ECHS1: variants seen among roughly 807,000 people sequenced by gnomAD.
ECHS1 encodes the protein enoyl-CoA hydratase, short chain 1, also known as enoyl-CoA hydratase, mitochondrial.
Under a neutral mutation model 33.5 loss-of-function variants are expected in ECHS1, and 19 were observed. That is an observed-to-expected ratio of 0.57 (90% CI 0.40 to 0.83). The LOEUF (loss-of-function observed/expected upper bound fraction) is 0.83. Ranked by LOEUF, ECHS1 falls within the 40% of genes least tolerant of loss-of-function variation. The pLI, the probability that ECHS1 is intolerant of heterozygous loss-of-function variation, is 0.00. For missense variants in ECHS1, 365 were observed against 381.3 expected, an observed-to-expected ratio of 0.96 and a Z score of 0.36; for synonymous variants, 158 against 146.6, an observed-to-expected ratio of 1.08 and a Z score of -0.56.
chr10:133,369,118 T>C (rs1427384132), intron 3 of ECHS1, 96 bp from the exon 4 acceptor site: 2 of 1,158,554 alleles, frequency 1.7e-6, no homozygotes, highest in Non-Finnish European at 2.5e-6. Context: ...AAAGAAACAG[T>C]GTTGGGGGTA....
intron 3 of ECHS1, 41 bp from the exon 4 acceptor site, chr10:133,369,063 C>G: frequency 6.3e-7 from 1 of 1,587,668 alleles, no homozygotes; most frequent in South Asian, 1.1e-5. Flanking sequence ...ACCAGGGGAA[C>G]CCAGTCAGAA....
chr10:133,368,553 G>A (rs1849062678), intron 4 of ECHS1, among the ~76,000 whole-genome samples: 1 of 152,074 alleles, frequency 6.6e-6, no homozygotes, highest in African/African-American at 2.4e-5. Context: ...CAGGCCATGT[G>A]ACCTCCATGG....
chr10:133,371,202 A>G (rs888615783), intron 1 of ECHS1, among the ~76,000 whole-genome samples: 59 of 152,198 alleles, frequency 3.9e-4, no homozygotes, highest in African/African-American at 1.4e-3. Context: ...GCATGAACCC[A>G]GGAGGTGGAG....
At chr10:133,369,144 T>C in intron 3 of ECHS1, 122 bp from the exon 4 acceptor site, 1 of 798,266 alleles carries the variant, frequency 1.3e-6, no homozygotes, top group Non-Finnish European at 2.0e-6. Flanking sequence ...AAGACTAACA[T>C]GGTGGCACCA....
intron 1 of ECHS1, among the ~76,000 whole-genome samples, chr10:133,372,630 C>A (rs1314451001): frequency 6.6e-6 from 1 of 151,622 alleles, no homozygotes; most frequent in African/African-American, 2.4e-5. Flanking sequence ...AGCCGCCGGG[C>A]CTCCCGCAGG....
intron 2 of ECHS1, 64 bp downstream of exon 2, chr10:133,370,496 C>T (rs1421080826): frequency 7.0e-7 from 1 of 1,425,840 alleles, no homozygotes; most frequent in African/African-American, 1.4e-5. Flanking sequence ...CTGGAGGCTT[C>T]TCCCAAGGCC....
chr10:133,363,901 C>T (rs1345695375), intron 7 of ECHS1, among the ~76,000 whole-genome samples: 4 of 152,096 alleles, frequency 2.6e-5, no homozygotes, highest in Non-Finnish European at 5.9e-5. Context: ...TACATTTGAG[C>T]CTATTCCAAA....
rs752040343 is a variant in ECHS1 at position 133,366,136 on chromosome 10, C to T, written c.620-41G>A. The stretch of plus-strand genomic sequence containing the variant: ...GTCAGTGAGTGATGTGCAGAAACAG[C>T]ACTTGTCTATCCCTTCTCGAGTGAG... On this transcript the variant is annotated intron_variant, in intron 5 of 7. Transcript: ENST00000368547. The T allele has an allele frequency of 1.3e-5, 21 of 1,604,504 alleles. No homozygotes were observed. In the Admixed American group the frequency reaches 1.3e-4, roughly 10 times the overall value.
At chr10:133,370,339 TGAA>T (rs1849087138) in intron 2 of ECHS1, among the ~76,000 whole-genome samples, 1 of 152,348 alleles carries the variant, frequency 6.6e-6, no homozygotes. Context: ...TAAACCCCTT[TGAA>T]GAAGCTGTTT....
chr10:133,369,670 C>G (rs1449058537), intron 3 of ECHS1, among the ~76,000 whole-genome samples: 1 of 152,152 alleles, frequency 6.6e-6, no homozygotes, highest in Non-Finnish European at 1.5e-5. Context: ...CTTCCCCCAC[C>G]CTGGAAGAGA....
intron 1 of ECHS1, among the ~76,000 whole-genome samples, 169 bp from the exon 2 acceptor site, chr10:133,370,926 T>C (rs545183820): frequency 9.9e-5 from 15 of 152,266 alleles, no homozygotes; most frequent in African/African-American, 3.1e-4. Context: ...GCCACAAGGA[T>C]AGATGGTAGC....
At chr10:133,368,740 G>T (rs1285652618) in intron 4 of ECHS1, among the ~76,000 whole-genome samples, 183 bp downstream of exon 4, 2 of 151,544 alleles carry the variant, frequency 1.3e-5, no homozygotes, top group African/African-American at 2.4e-5. Flanking sequence ...GGACTCTAAG[G>T]CCCCCCCCAA....
rs532849742 is a variant in ECHS1 at position 133,373,308 on chromosome 10, G to C, written c.26C>G (p.Ser9Cys). ...GGGCCTCAGCGGGCCGCGGACGCAG[G>C]ACAGCAGGACACGCAGGGCGGCCAT... MAALRVLLSCVRGPLRPPV... is the reference protein window; with the variant it reads MAALRVLLCCVRGPLRPPV... Residue 9 changes from serine to cysteine, a missense_variant, in exon 1 of 8, where the codon TCC becomes TGC. Transcript: ENST00000368547. 4 of 1,501,452 alleles carry C rather than the reference G, an allele frequency of 2.7e-6. No homozygotes were observed. Among genetic ancestry groups the C allele is most frequent in the Non-Finnish European group, 3.5e-6 (4 of 1,131,062 alleles). The allele number at this position is 1,501,452 out of a possible 1,614,324, so 93.0% of individuals were successfully genotyped here.
Position 133,368,950 on chromosome 10 carries a change from G to T in ECHS1, c.487C>A (p.Pro163Thr), listed in dbSNP as rs1849068818. 1.2e-6 allele frequency: 2 copies of T among 1,613,704 alleles called. No homozygotes were observed. The highest frequency in any genetic ancestry group is 1.7e-6 in the Non-Finnish European group (2 of 1,179,932). Residue 163 changes from proline to threonine, a missense_variant, in exon 4 of 8, where the codon CCG (proline) becomes ACG (threonine). Pro to Thr is a conservative substitution (Grantham distance 38, BLOSUM62 -1). Coordinates refer to ENST00000368547, the MANE Select transcript of ECHS1 (RefSeq NM_004092.4). ...GGGATGGTTCCTATTAAGATCTCCG[G>T]CTGTGCAAACTGGGCCTTCTCACCG... ...YAGEKAQFAQPEILIGTIPGA... is the reference protein window; with the variant it reads ...YAGEKAQFAQTEILIGTIPGA...
At chr10:133,364,842 A>T in intron 6 of ECHS1, 117 bp from the exon 7 acceptor site, 1 of 755,924 alleles carries the variant, frequency 1.3e-6, no homozygotes, top group Non-Finnish European at 2.3e-6. Flanking sequence ...GACGTGGCCC[A>T]GCCCTGCACA....
chr10:133,366,212 G>A, intron 5 of ECHS1, 117 bp from the exon 6 acceptor site: 3 of 1,271,600 alleles, frequency 2.4e-6, no homozygotes, highest in Admixed American at 2.3e-5. Flanking sequence ...TGGACGCTAA[G>A]CAAGGGCGGC....
chr10:133,365,617 C>T (rs1849017594), intron 6 of ECHS1, among the ~76,000 whole-genome samples: 1 of 152,234 alleles, frequency 6.6e-6, no homozygotes, highest in Non-Finnish European at 1.5e-5. Context: ...ACGCAGCCGC[C>T]AACCCCAGGT....
chr10:133,369,959 CAG>C lies in ECHS1; in HGVS notation c.357_358del (p.His119GlnfsTer25). Reference sequence around the variant, plus strand: ...CTTCTTGACCTGGGTGAGGTGGTCCCAGTGCTTCAAGAACTTGCTGGAGTAAC... The same window carrying C: ...CTTCTTGACCTGGGTGAGGTGGTCCCTGCTTCAAGAACTTGCTGGAGTAAC... On this transcript the variant is annotated frameshift_variant, in exon 3 of 8. Coordinates refer to ENST00000368547, the MANE Select transcript of ECHS1 (RefSeq NM_004092.4). LOFTEE classifies it high-confidence loss of function. 6.2e-7 allele frequency: 1 copy of C among 1,613,910 alleles called. No homozygotes were observed. Among genetic ancestry groups the C allele is most frequent in the Non-Finnish European group, 8.5e-7 (1 of 1,180,000 alleles).
Position 133,366,778 on chromosome 10 carries a change from C to T in ECHS1, c.619+111G>A, listed in dbSNP as rs572807097. On this transcript the variant is annotated intron_variant, in intron 5 of 7. Coordinates refer to ENST00000368547, the MANE Select transcript of ECHS1 (RefSeq NM_004092.4). ...TGAGGGGGACACCTGGATGCTGCCC[C>T]GGGTTTCTGTGGGGCTCCCCCGAGG... is the stretch of plus-strand genomic sequence containing the variant. The T allele has an allele frequency of 5.4e-3, 3,843 of 712,264 alleles. 175 individuals carry two copies. In the African/African-American group the frequency reaches 0.07, roughly 13 times the overall value. 44.1% of individuals were successfully genotyped at this position (712,264 alleles called of 1,614,324 possible).
Sources: gnomAD v4.1 joint callset for allele counts (sites outside exome capture counted in the v4.1 genomes callset) on GRCh38, gnomAD v4.1.1 for gene constraint, MANE v1.5 for transcripts, NCBI Gene and HGNC (gene_info 2026-07-23, HGNC 2026-07-21) for gene names.